The following MAGI2 variants were observed in gnomAD, a reference collection of about 807,000 sequenced individuals.
The protein encoded by MAGI2 is membrane-associated guanylate kinase, WW and PDZ domain-containing protein 2.
Under a neutral mutation model 133.3 loss-of-function variants are expected in MAGI2, and 35 were observed. The ratio of observed to expected loss-of-function variants is 0.26; its 90% CI spans 0.20 to 0.35. The LOEUF (loss-of-function observed/expected upper bound fraction) is 0.35. MAGI2 is among the 10% of genes least tolerant of loss of function. The pLI is 1.00. For synonymous variants in MAGI2, 729 were observed against 710.6 expected, an observed-to-expected ratio of 1.03 and a Z score of -0.41; for missense variants, 1,636 against 1,863.4, an observed-to-expected ratio of 0.88 and a Z score of 2.25.
intron 6 of MAGI2, among the ~76,000 whole-genome samples, chr7:78,406,629 T>C (rs1172013504): frequency 6.6e-6 from 1 of 152,110 alleles, no homozygotes; most frequent in African/African-American, 2.4e-5. Context: ...GTCTGTATTA[T>C]GATCAGTTAG....
At chr7:78,435,772 T>C (rs1800226515) in intron 6 of MAGI2, among the ~76,000 whole-genome samples, 1 of 152,084 alleles carries the variant, frequency 6.6e-6, no homozygotes, top group African/African-American at 2.4e-5. Flanking sequence ...AGATTGAAAA[T>C]CTGGAGCCCA....
At chr7:78,900,299 T>G (rs931772703) in intron 2 of MAGI2, among the ~76,000 whole-genome samples, 5 of 152,196 alleles carry the variant, frequency 3.3e-5, no homozygotes, top group African/African-American at 1.2e-4. Context: ...CAATTTATCT[T>G]CTTATTCTTA....
chr7:79,052,445 C>A (rs1393677862), intron 1 of MAGI2, among the ~76,000 whole-genome samples: 2 of 152,164 alleles, frequency 1.3e-5, no homozygotes, highest in Non-Finnish European at 2.9e-5. Flanking sequence ...CTGCATGGGT[C>A]GCACACCCAT....
chr7:79,025,032 T>C (rs1454403439), intron 1 of MAGI2, among the ~76,000 whole-genome samples: 1 of 152,154 alleles, frequency 6.6e-6, no homozygotes, highest in Non-Finnish European at 1.5e-5. Context: ...TAAACTGTTC[T>C]ACCATAAAGA....
intron 3 of MAGI2, chr7:78,614,965 G>T (rs1377791266): frequency 6.6e-6 from 1 of 152,094 alleles, no homozygotes; most frequent in Non-Finnish European, 1.5e-5. Flanking sequence ...AGCTATGCGG[G>T]GTTGCAATAT....
chr7:78,537,058 G>A (rs534099300), intron 3 of MAGI2, among the ~76,000 whole-genome samples: 4 of 152,052 alleles, frequency 2.6e-5, no homozygotes, highest in East Asian at 1.9e-4. Context: ...AACATACAAT[G>A]TTTAGTTTTC....
At chr7:78,977,413 C>CAG (rs139814304) in intron 2 of MAGI2, among the ~76,000 whole-genome samples, 48 of 144,734 alleles carry the variant, frequency 3.3e-4, no homozygotes, top group East Asian at 1.6e-3. Flanking sequence ...AAGAGAGCGA[C>CAG]AGAGAGAGAG....
At chr7:79,214,677 A>C (rs1449478299) in intron 1 of MAGI2, among the ~76,000 whole-genome samples, 1 of 140,032 alleles carries the variant, frequency 7.1e-6, no homozygotes, top group Admixed American at 7.5e-5. Flanking sequence ...ATGAAATATA[A>C]ATATATAATA....
chr7:79,105,324 T>G (rs1371541621), intron 1 of MAGI2, among the ~76,000 whole-genome samples: 1 of 152,216 alleles, frequency 6.6e-6, no homozygotes, highest in Non-Finnish European at 1.5e-5. Context: ...AACTGTCTAT[T>G]TTTTAAGTAT....
intron 1 of MAGI2, among the ~76,000 whole-genome samples, chr7:79,242,088 GT>G (rs2129555068): frequency 6.6e-6 from 1 of 152,198 alleles, no homozygotes; most frequent in African/African-American, 2.4e-5. Context: ...ATTTCAGTTA[GT>G]TCAGAGGAAT....
intron 6 of MAGI2, among the ~76,000 whole-genome samples, chr7:78,477,585 A>G (rs1791907771): frequency 6.6e-6 from 1 of 151,852 alleles, no homozygotes; most frequent in African/African-American, 2.4e-5. Flanking sequence ...AGCAGGCAAG[A>G]AAGCTCGTGC....
intron 2 of MAGI2, among the ~76,000 whole-genome samples, chr7:78,878,769 G>C (rs1795621324): frequency 6.6e-6 from 1 of 152,142 alleles, no homozygotes; most frequent in Non-Finnish European, 1.5e-5. Context: ...GGTGCAGTGG[G>C]GCCTTCTCCA....
chr7:79,204,458 G>GCA (rs1199292217), intron 1 of MAGI2, among the ~76,000 whole-genome samples: 1 of 152,036 alleles, frequency 6.6e-6, no homozygotes, highest in Non-Finnish European at 1.5e-5. Context: ...GGCTTCTGGT[G>GCA]CACCCCAGCA....
At chr7:79,061,524 C>A (rs57343472) in intron 1 of MAGI2, among the ~76,000 whole-genome samples, 9,020 of 151,788 alleles carry the variant, frequency 0.059, 888 homozygotes, top group African/African-American at 0.21. Context: ...TAAATAAGGA[C>A]CCGCTCAGGC....
At position 78,423,353 on chromosome 7, in the gene MAGI2, C is replaced by T. The variant is rs60254467; in HGVS notation, c.1046-54140G>A. Among the ~76,000 whole-genome samples, 1,260 of 152,306 alleles carry T rather than the reference C, an allele frequency of 8.3e-3. 14 individuals are homozygous for T. The highest frequency in any genetic ancestry group is 0.025 in the African/African-American group (1,046 of 41,562). On this transcript the variant is annotated intron_variant, in intron 6 of 21. Transcript: ENST00000354212. ...CTTCCACCATGATTGTGAGGCTTCCCCAGCCATGTGGAACTGTAAGTCCAA... is the reference window on the plus strand; with the variant it reads ...CTTCCACCATGATTGTGAGGCTTCCTCAGCCATGTGGAACTGTAAGTCCAA...
chr7:78,698,751 G>A (rs1318152134), intron 2 of MAGI2, among the ~76,000 whole-genome samples: 3 of 152,062 alleles, frequency 2.0e-5, no homozygotes, highest in African/African-American at 4.8e-5. Flanking sequence ...CCTTTTTCAC[G>A]TGGCAGTGCG....
chr7:78,722,214 A>C (rs959251696), intron 2 of MAGI2, among the ~76,000 whole-genome samples: 2 of 151,814 alleles, frequency 1.3e-5, no homozygotes, highest in African/African-American at 2.4e-5. Context: ...AATAAATAGC[A>C]GTAATAATAT....
intron 1 of MAGI2, among the ~76,000 whole-genome samples, chr7:79,380,028 T>G (rs1843671829): frequency 6.6e-6 from 1 of 151,776 alleles, no homozygotes; most frequent in African/African-American, 2.4e-5. Context: ...ATGTTAGACC[T>G]AAAACCATAA....
At chr7:78,486,596 C>A (rs1430210411) in intron 6 of MAGI2, 2 of 288,410 alleles carry the variant, frequency 6.9e-6, no homozygotes, top group Admixed American at 7.1e-5. Context: ...TGCAGGACCC[C>A]GAGATTGGGA....
Sources: allele counts gnomAD v4.1 joint callset (sites outside exome capture counted in the v4.1 genomes callset), GRCh38; gene constraint gnomAD v4.1.1; transcripts MANE v1.5; gene names NCBI Gene and HGNC (gene_info 2026-07-23, HGNC 2026-07-21).